BRSK2: variants seen among roughly 807,000 people sequenced by gnomAD.
The protein encoded by BRSK2 is serine/threonine-protein kinase BRSK2.
BRSK2 carries 19 observed loss-of-function variants against 83.3 expected under a neutral mutation model. The observed-to-expected ratio is 0.23, with a 90% CI of 0.16 to 0.33. The LOEUF (loss-of-function observed/expected upper bound fraction) is 0.33. Ranked by LOEUF, BRSK2 falls within the 10% of genes least tolerant of loss-of-function variation. The pLI is 1.00. For synonymous variants in BRSK2, 519 were observed against 435.4 expected, an observed-to-expected ratio of 1.19 and a Z score of -2.39; for missense variants, 798 against 1,042.3, an observed-to-expected ratio of 0.77 and a Z score of 3.23.
intron 15 of BRSK2, among the ~76,000 whole-genome samples, chr11:1,453,533 ACAGC>A (rs1846063693): frequency 6.6e-6 from 1 of 152,286 alleles, no homozygotes; most frequent in Non-Finnish European, 1.5e-5. Flanking sequence ...CCCAGAACAG[ACAGC>A]CGCCGAGACC....
At position 1,443,316 on chromosome 11, in the gene BRSK2, CG is replaced by C; in HGVS notation, c.565-16del. The C allele has an allele frequency of 1.9e-6, 3 of 1,600,172 alleles. No homozygotes were observed. The highest frequency in any genetic ancestry group is 2.0e-4 in the Middle Eastern group (1 of 4,960). ...CCCTGCCCTGCGCCCCCCAACAGCC[CG>C]GGCACTGCTGTCCACAGGGGGAGAA... On this transcript the variant is annotated intron_variant, in intron 6 of 19. Transcript: ENST00000528841.
At chr11:1,409,920 G>A (rs1482273062) in intron 1 of BRSK2, 2 of 149,542 alleles carry the variant, frequency 1.3e-5, no homozygotes, top group Admixed American at 6.7e-5. Flanking sequence ...CGTGTTTGGG[G>A]GGGTTTGGGA....
intron 1 of BRSK2, among the ~76,000 whole-genome samples, chr11:1,400,899 C>A (rs772023045): frequency 5.3e-5 from 8 of 152,260 alleles, no homozygotes; most frequent in Non-Finnish European, 8.8e-5. Flanking sequence ...GGCGTCTGCT[C>A]CTCTGGCCCA....
chr11:1,427,632 G>C (rs1226268538), intron 1 of BRSK2, among the ~76,000 whole-genome samples: 1 of 152,238 alleles, frequency 6.6e-6, no homozygotes, highest in Non-Finnish European at 1.5e-5. Flanking sequence ...TGCACCGCCT[G>C]CCCCCTCAGG....
At chr11:1,421,149 T>TGGGTCCCAGGCTGCGCTTC in intron 1 of BRSK2, among the ~76,000 whole-genome samples, 1 of 152,310 alleles carries the variant, frequency 6.6e-6, no homozygotes, top group East Asian at 1.9e-4. Flanking sequence ...GGCTGTGCTT[T>TGGGTCCCAGGCTGCGCTTC]GGGTCCCAGG....
chr11:1,460,539 T>A lies in BRSK2; in HGVS notation c.2027T>A (p.Leu676His). 1 of 1,522,288 alleles carries A rather than the reference T, an allele frequency of 6.6e-7. No homozygotes were observed. Among genetic ancestry groups the A allele is most frequent in the Non-Finnish European group, 8.8e-7 (1 of 1,139,308 alleles). The allele number at this position is 1,522,288 out of a possible 1,614,324, so 94.3% of individuals were successfully genotyped here. ...AACTTCTTTGACGTAATTAAACAAC[T>A]TTTTTCAGACGAGAAGAACGGGCAG... ...LSNFFDVIKQ[L>H]FSDEKNGQAA... The change falls in exon 20 of 20, where the codon CTT becomes CAT. Residue 676 changes from leucine (L) to histidine (H), a missense_variant. This residue lies in a region of BRSK2 where 455 missense variants were observed against 455.2 expected (regional missense o/e 1.00). Coordinates refer to ENST00000528841, the MANE Select transcript of BRSK2 (RefSeq NM_001256627.2).
At chr11:1,420,225 G>A (rs952532119) in intron 1 of BRSK2, among the ~76,000 whole-genome samples, 2 of 152,254 alleles carry the variant, frequency 1.3e-5, no homozygotes, top group African/African-American at 4.8e-5. Context: ...TTGTTAGGAT[G>A]AGACAGATTT....
At position 1,438,484 on chromosome 11, in the gene BRSK2, G is replaced by A. The variant is rs1850642424; in HGVS notation, c.272+93G>A. The stretch of plus-strand genomic sequence containing the variant: ...CTGGGGCTTGGGGAGCACAGGGGCT[G>A]GAGGCCAGGGGCGCCTGCTGCATCC... On this transcript the variant is annotated intron_variant, in intron 3 of 19. Coordinates refer to ENST00000528841, the MANE Select transcript of BRSK2 (RefSeq NM_001256627.2). The surrounding 1 kb of genome is among the most constrained non-coding windows in gnomAD (Gnocchi z 6.4). The A allele has an allele frequency of 2.1e-5, 24 of 1,162,738 alleles. 1 individual carries two copies. The South Asian group carries it at 2.5e-4, about 12-fold the overall frequency. The allele number at this position is 1,162,738 out of a possible 1,614,324, so 72.0% of individuals were successfully genotyped here.
intron 1 of BRSK2, among the ~76,000 whole-genome samples, chr11:1,420,288 G>A (rs1243537355): frequency 6.6e-6 from 1 of 152,354 alleles, no homozygotes. Flanking sequence ...TACCCTTCTT[G>A]TTGGCCCAGA....
In BRSK2 at chr11:1,460,762, G is replaced by C; in HGVS notation, c.*39G>C. ...CCCCCCCAGCACAGCACTGACAGCG[G>C]CTGCCTCGCCGCCCGCCGCCCGCCC... On this transcript the variant is annotated 3_prime_UTR_variant, in exon 20 of 20. Coordinates refer to ENST00000528841, the MANE Select transcript of BRSK2 (RefSeq NM_001256627.2). 1 of 1,396,408 alleles carries C rather than the reference G, an allele frequency of 7.2e-7. No individual in the cohort carries two copies. The highest frequency in any genetic ancestry group is 1.5e-5 in the South Asian group (1 of 67,798). 86.5% of individuals were successfully genotyped at this position (1,396,408 alleles called of 1,614,324 possible).
chr11:1,422,113 G>C (rs559872550), intron 1 of BRSK2, among the ~76,000 whole-genome samples: 1 of 152,146 alleles, frequency 6.6e-6, no homozygotes, highest in Non-Finnish European at 1.5e-5. Flanking sequence ...ACTGTGTGTC[G>C]GGTGAGAGCC....
intron 1 of BRSK2, among the ~76,000 whole-genome samples, chr11:1,414,658 G>C (rs1387863986): frequency 6.6e-6 from 1 of 152,196 alleles, no homozygotes; most frequent in African/African-American, 2.4e-5. Context: ...TTCAGGGACG[G>C]TTAGCGCATT....
At chr11:1,392,445 C>T (rs975595646) in intron 1 of BRSK2, among the ~76,000 whole-genome samples, 3 of 152,216 alleles carry the variant, frequency 2.0e-5, no homozygotes, top group Admixed American at 1.3e-4. Context: ...TGGCTGGCAG[C>T]TTTGTTTGGC....
Position 1,441,016 on chromosome 11 carries a change from A to G in BRSK2, c.413+88A>G. On this transcript the variant is annotated intron_variant, in intron 4 of 19. Transcript: ENST00000528841. ...AGATGCCCCCTGTGCCCCAAGGACT[A>G]CACCCCCTATGGTGCTATTCCGAGG... 4 of 1,163,942 alleles carry G rather than the reference A, an allele frequency of 3.4e-6. 1 individual carries two copies. In the South Asian group the frequency reaches 5.6e-5, roughly 16 times the overall value. The allele number at this position is 1,163,942 out of a possible 1,614,324, so 72.1% of individuals were successfully genotyped here. A position where few individuals can be genotyped will look rare whatever the true frequency, so the allele number is the denominator to read the frequency against.
intron 1 of BRSK2, among the ~76,000 whole-genome samples, chr11:1,418,691 G>T (rs56189307): frequency 1.3e-5 from 2 of 152,174 alleles, no homozygotes; most frequent in African/African-American, 2.4e-5. Context: ...CTTTGCATAC[G>T]CTGTAATGTT....
chr11:1,393,868 A>C (rs9737490), intron 1 of BRSK2, among the ~76,000 whole-genome samples: 9 of 150,856 alleles, frequency 6.0e-5, no homozygotes, highest in Non-Finnish European at 1.2e-4. Flanking sequence ...GAGATGGGCC[A>C]TGGAGATGGG....
chr11:1,414,150 G>C (rs917105283), intron 1 of BRSK2, among the ~76,000 whole-genome samples: 1 of 152,238 alleles, frequency 6.6e-6, no homozygotes, highest in Admixed American at 6.5e-5. Context: ...TTTTCTGTAC[G>C]AACTAGGATT....
chr11:1,459,569 C>T (rs1050434332), intron 19 of BRSK2: 14 of 366,510 alleles, frequency 3.8e-5, no homozygotes, highest in Admixed American at 7.8e-5. Context: ...GGGGAGGGGC[C>T]GGTGCCCATC....
intron 1 of BRSK2, among the ~76,000 whole-genome samples, chr11:1,416,923 G>A (rs565940296): frequency 6.6e-6 from 1 of 152,300 alleles, no homozygotes; most frequent in South Asian, 2.1e-4. Context: ...CACTTTGGGA[G>A]GTCAAGGAGG....
Sources: allele counts gnomAD v4.1 joint callset (sites outside exome capture counted in the v4.1 genomes callset), GRCh38; gene constraint gnomAD v4.1.1; regional missense constraint gnomAD v4.1.1; non-coding constraint Gnocchi (gnomAD v3.1); transcripts MANE v1.5; gene names NCBI Gene and HGNC (gene_info 2026-07-23, HGNC 2026-07-21).